Variants in TCF12 observed in about 807,000 individuals in gnomAD.
The protein encoded by TCF12 is transcription factor 12.
TCF12 carries 45 observed loss-of-function variants against 86.0 expected under a neutral mutation model. The ratio of observed to expected loss-of-function variants is 0.52; its 90% CI spans 0.41 to 0.67. The LOEUF (loss-of-function observed/expected upper bound fraction) is 0.67. TCF12 is among the 30% of genes least tolerant of loss of function. The probability of loss-of-function intolerance (pLI) is 0.00; values close to 1 mark genes in which losing one functional copy is unlikely to be tolerated. For missense variants in TCF12, 881 were observed against 859.9 expected, an observed-to-expected ratio of 1.02 and a Z score of -0.31; for synonymous variants, 330 against 299.6, an observed-to-expected ratio of 1.10 and a Z score of -1.05.
chr15:57,259,739 G>A (rs1010592057), intron 16 of TCF12, among the ~76,000 whole-genome samples: 20 of 152,210 alleles, frequency 1.3e-4, no homozygotes, highest in Admixed American at 7.9e-4. Flanking sequence ...GTATGCTAAC[G>A]AGGTGAACAA....
In TCF12 at chr15:57,093,488, T is replaced by C. The variant is rs144864071; in HGVS notation, c.325+1597T>C. Among the ~76,000 whole-genome samples, 35 of 152,318 alleles carry C rather than the reference T, an allele frequency of 2.3e-4. No individual in the cohort carries two copies. The East Asian group carries it at 3.9e-3, about 17-fold the overall frequency. ...TGTTCTTACCTTTATTCTTCACTCA[T>C]AGAGATGACTTTTAGGCCCAATGGA... On this transcript the variant is annotated intron_variant, in intron 5 of 20. Transcript: ENST00000333725.
chr15:57,159,892 CTA>C (rs1248815603), intron 5 of TCF12, among the ~76,000 whole-genome samples: 1 of 152,150 alleles, frequency 6.6e-6, no homozygotes, highest in Non-Finnish European at 1.5e-5. Context: ...TGAATAGTAT[CTA>C]TTCATTGAAA....
At chr15:57,006,902 T>C (rs549991390) in intron 3 of TCF12, among the ~76,000 whole-genome samples, 1 of 152,028 alleles carries the variant, frequency 6.6e-6, no homozygotes, top group South Asian at 2.1e-4. Flanking sequence ...GGTGACAGAG[T>C]GAGACCTCAT....
At chr15:57,161,175 G>A (rs2054482373) in intron 5 of TCF12, among the ~76,000 whole-genome samples, 1 of 152,206 alleles carries the variant, frequency 6.6e-6, no homozygotes, top group Admixed American at 6.5e-5. Context: ...TGTGACTGCC[G>A]ATTGTATCTT....
Position 57,262,149 on chromosome 15 carries a change from C to T in TCF12, c.1523C>T (p.Ser508Phe). ...VSLNGNHSVL[S>F]STVTTSSTDL... Reference sequence around the variant, plus strand: ...CTCAATGGCAATCATTCAGTCCTGTCTAGTACAGTCACTACTTCAAGCACA... The same window carrying T: ...CTCAATGGCAATCATTCAGTCCTGTTTAGTACAGTCACTACTTCAAGCACA... Residue 508 changes from serine (S) to phenylalanine (F), a missense_variant, in exon 17 of 21, where the codon TCT becomes TTT. Physicochemically the swap from Ser to Phe is radical, Grantham distance 155 (BLOSUM62 -2). Transcript: ENST00000333725. 1 of 1,613,750 alleles carries T rather than the reference C, an allele frequency of 6.2e-7. No homozygotes were observed. The highest frequency in any genetic ancestry group is 8.5e-7 in the Non-Finnish European group (1 of 1,179,756).
At chr15:57,052,922 G>A (rs2067740026) in intron 3 of TCF12, among the ~76,000 whole-genome samples, 1 of 152,088 alleles carries the variant, frequency 6.6e-6, no homozygotes, top group African/African-American at 2.4e-5. Context: ...GTTGACATGG[G>A]AATACAGATA....
At chr15:57,100,722 G>T (rs2049680849) in intron 5 of TCF12, among the ~76,000 whole-genome samples, 1 of 151,968 alleles carries the variant, frequency 6.6e-6, no homozygotes, top group Non-Finnish European at 1.5e-5. Context: ...AGGTATTCCT[G>T]GTACTTACTC....
intron 5 of TCF12, chr15:57,092,138 T>G (rs1339030074): frequency 1.7e-5 from 6 of 355,370 alleles, no homozygotes; most frequent in African/African-American, 1.2e-4. Flanking sequence ...TTGTCAGTTT[T>G]GGCAATGTCT....
At chr15:57,021,756 T>C (rs1200160597) in intron 3 of TCF12, among the ~76,000 whole-genome samples, 2 of 146,686 alleles carry the variant, frequency 1.4e-5, no homozygotes, top group East Asian at 2.0e-4. Context: ...TTTTTTTTTT[T>C]CAACCAAGCG....
chr15:57,253,155 G>A, intron 15 of TCF12, 107 bp from the exon 16 acceptor site: 1 of 1,218,426 alleles, frequency 8.2e-7, no homozygotes, highest in Non-Finnish European at 1.2e-6. Context: ...ACTTGATACT[G>A]CATTTCACTT....
At chr15:56,990,658 T>G (rs749674483) in intron 3 of TCF12, among the ~76,000 whole-genome samples, 7 of 152,212 alleles carry the variant, frequency 4.6e-5, no homozygotes, top group Non-Finnish European at 8.8e-5. Flanking sequence ...GCATACTTAC[T>G]GCAGAACTTG....
At chr15:57,037,160 A>G (rs1388940213) in intron 3 of TCF12, among the ~76,000 whole-genome samples, 1 of 152,202 alleles carries the variant, frequency 6.6e-6, no homozygotes, top group Non-Finnish European at 1.5e-5. Context: ...AAAAAGTAGT[A>G]TAAGGGGCTC....
At chr15:56,944,192 T>A (rs1463709739) in intron 3 of TCF12, among the ~76,000 whole-genome samples, 1 of 152,188 alleles carries the variant, frequency 6.6e-6, no homozygotes, top group African/African-American at 2.4e-5. Flanking sequence ...TTTTATTATT[T>A]CCATAGGGCC....
chr15:57,223,641 A>AG (rs2058706141), intron 8 of TCF12, among the ~76,000 whole-genome samples: 1 of 35,530 alleles, frequency 2.8e-5, no homozygotes, highest in African/African-American at 4.9e-5. Context: ...CCTACCAATG[A>AG]GGTTTTTTTT....
intron 3 of TCF12, among the ~76,000 whole-genome samples, chr15:56,978,094 G>A (rs1438647764): frequency 1.3e-5 from 2 of 152,174 alleles, no homozygotes; most frequent in Non-Finnish European, 2.9e-5. Context: ...TAAAAAGCAT[G>A]CATTTGTCTG....
chr15:56,988,657 T>C (rs1595985193), intron 3 of TCF12, among the ~76,000 whole-genome samples: 2 of 152,296 alleles, frequency 1.3e-5, no homozygotes, highest in East Asian at 3.9e-4. Context: ...GAAAGAAACA[T>C]TGAAGCTAAT....
intron 3 of TCF12, among the ~76,000 whole-genome samples, chr15:56,957,250 C>CT (rs1431402153): frequency 6.6e-6 from 1 of 152,138 alleles, no homozygotes; most frequent in South Asian, 2.1e-4. Context: ...ACAAAACAGA[C>CT]TAAAACAGTT....
At chr15:57,249,519 C>T (rs181040147) in intron 13 of TCF12, among the ~76,000 whole-genome samples, 2 of 151,992 alleles carry the variant, frequency 1.3e-5, no homozygotes, top group Non-Finnish European at 2.9e-5. Flanking sequence ...GAAATCTAAT[C>T]AGGTTATGAA....
At chr15:57,081,438 T>C (rs185610486) in intron 4 of TCF12, among the ~76,000 whole-genome samples, 1 of 152,340 alleles carries the variant, frequency 6.6e-6, no homozygotes, top group East Asian at 1.9e-4. Flanking sequence ...TAGTAACTAG[T>C]TCATAGTGTT....
Sources: allele counts gnomAD v4.1 joint callset (sites outside exome capture counted in the v4.1 genomes callset), GRCh38; gene constraint gnomAD v4.1.1; transcripts MANE v1.5; gene names NCBI Gene and HGNC (gene_info 2026-07-23, HGNC 2026-07-21).